Variants in CCDC149 observed in about 807,000 individuals in gnomAD.
CCDC149 encodes the protein coiled-coil domain containing 149.
Under a neutral mutation model 59.9 loss-of-function variants are expected in CCDC149, and 45 were observed. The ratio of observed to expected loss-of-function variants is 0.75; its 90% CI spans 0.59 to 0.96. CCDC149 has a LOEUF of 0.96. CCDC149 is among the 40% of genes least tolerant of loss of function. The probability of loss-of-function intolerance (pLI) is 0.00; values close to 1 mark genes in which losing one functional copy is unlikely to be tolerated. For synonymous variants in CCDC149, 245 were observed against 260.6 expected (o/e 0.94, Z 0.58); for missense variants, 584 against 664.7 (o/e 0.88, Z 1.33).
intron 1 of CCDC149, among the ~76,000 whole-genome samples, chr4:24,947,121 T>C (rs375282010): frequency 6.6e-6 from 1 of 152,212 alleles, no homozygotes; most frequent in South Asian, 2.1e-4. Flanking sequence ...ATTGAAAGAA[T>C]CTCAGCTGAA....
intron 12 of CCDC149, among the ~76,000 whole-genome samples, chr4:24,809,788 A>G (rs2109084504): frequency 6.6e-6 from 1 of 152,332 alleles, no homozygotes; most frequent in East Asian, 1.9e-4. Context: ...CCCTGAATGG[A>G]ACCACAGCAG....
At position 24,837,381 on chromosome 4, in the gene CCDC149, T is replaced by A; in HGVS notation, c.509A>T (p.Asp170Val). Residue 170 changes from aspartate to valine, a missense_variant, in exon 6 of 13, where the codon GAC becomes GTC. Transcript: ENST00000635206. This position sits in a 1 kb window ranked among gnomAD's most constrained non-coding sequence, Gnocchi z 4.3. The stretch of plus-strand genomic sequence containing the variant: ...AAGCTCGTCCACAGAAGCCTGCAGG[T>A]CGTGCTCCAGAGACTCAATCTAAAA... 1.2e-6 allele frequency: 2 copies of A among 1,614,174 alleles called. No homozygotes were observed. The highest frequency in any genetic ancestry group is 1.7e-6 in the Non-Finnish European group (2 of 1,180,020).
intron 1 of CCDC149, among the ~76,000 whole-genome samples, chr4:24,966,333 A>C (rs1056569161): frequency 1.3e-5 from 2 of 152,202 alleles, no homozygotes; most frequent in African/African-American, 4.8e-5. Context: ...CTGAATACCC[A>C]GGGGCCAGAT....
In CCDC149 at chr4:24,808,305, C is replaced by T. The variant is rs1450792966; in HGVS notation, c.*84G>A. On this transcript the variant is annotated 3_prime_UTR_variant, in exon 13 of 13. Coordinates refer to ENST00000635206, the MANE Select transcript of CCDC149 (RefSeq NM_001330643.2). ...GACTCGGAGGTATTTCAGGAGAAGGCGACGTGAGCGCACCATTCCGATGCT... is the reference window on the plus strand; with the variant it reads ...GACTCGGAGGTATTTCAGGAGAAGGTGACGTGAGCGCACCATTCCGATGCT... 18 of 1,266,316 alleles carry T rather than the reference C, an allele frequency of 1.4e-5. No homozygotes were observed. The highest frequency in any genetic ancestry group is 2.0e-4 in the Middle Eastern group (1 of 5,108). 78.4% of individuals were successfully genotyped at this position (1,266,316 alleles called of 1,614,324 possible).
chr4:24,808,289 G>T lies in CCDC149; in HGVS notation c.*100C>A, dbSNP rs534232631. 2.8e-6 allele frequency: 3 copies of T among 1,087,990 alleles called. No individual in the cohort carries two copies. The highest frequency in any genetic ancestry group is 1.6e-5 in the African/African-American group (1 of 63,156). 67.4% of individuals were successfully genotyped at this position (1,087,990 alleles called of 1,614,324 possible). ...CGTTTTCTCACTTGCAGACTCGGAG[G>T]TATTTCAGGAGAAGGCGACGTGAGC... On this transcript the variant is annotated 3_prime_UTR_variant, in exon 13 of 13. Coordinates refer to ENST00000635206, the MANE Select transcript of CCDC149 (RefSeq NM_001330643.2).
chr4:24,888,736 C>T (rs938094967), intron 1 of CCDC149, among the ~76,000 whole-genome samples: 1 of 152,168 alleles, frequency 6.6e-6, no homozygotes, highest in African/African-American at 2.4e-5. Context: ...CATTAACACC[C>T]TCGCACCTTG....
chr4:24,815,627 T>C (rs921369140), intron 12 of CCDC149, among the ~76,000 whole-genome samples: 1 of 152,234 alleles, frequency 6.6e-6, no homozygotes, highest in African/African-American at 2.4e-5. Flanking sequence ...AAACCATCTG[T>C]GGTGTGTTTT....
At chr4:24,830,382 A>G (rs1716062502) in intron 9 of CCDC149, 6 of 152,236 alleles carry the variant, frequency 3.9e-5, no homozygotes, top group Admixed American at 3.9e-4. Flanking sequence ...ACTTTTCAAG[A>G]ACATTTAAAC....
intron 1 of CCDC149, among the ~76,000 whole-genome samples, chr4:24,928,643 C>G (rs910046399): frequency 6.6e-6 from 1 of 152,162 alleles, no homozygotes; most frequent in African/African-American, 2.4e-5. Flanking sequence ...TTTCCCACCT[C>G]AGGGATCCCC....
chr4:24,919,011 A>G (rs114483251), intron 1 of CCDC149, among the ~76,000 whole-genome samples: 487 of 152,308 alleles, frequency 3.2e-3, no homozygotes, highest in African/African-American at 0.011. Flanking sequence ...CCAACATATC[A>G]TGTCCCCTGC....
intron 4 of CCDC149, among the ~76,000 whole-genome samples, chr4:24,842,500 G>A (rs1233070914): frequency 6.6e-6 from 1 of 152,164 alleles, no homozygotes; most frequent in Non-Finnish European, 1.5e-5. Context: ...CAGCCTCCCT[G>A]TGCCAACCCA....
intron 4 of CCDC149, among the ~76,000 whole-genome samples, chr4:24,842,101 T>G (rs1326927206): frequency 6.6e-6 from 1 of 152,200 alleles, no homozygotes; most frequent in Admixed American, 6.5e-5. Flanking sequence ...CAAAGGACCA[T>G]CAGGGGGAAT....
chr4:24,954,013 G>GA (rs1249266105), intron 1 of CCDC149, among the ~76,000 whole-genome samples: 116 of 147,216 alleles, frequency 7.9e-4, no homozygotes, highest in African/African-American at 2.2e-3. Flanking sequence ...AAAAAAGATG[G>GA]AAAAAAAAAA....
At chr4:24,967,918 A>G (rs1360083382) in intron 1 of CCDC149, among the ~76,000 whole-genome samples, 1 of 152,108 alleles carries the variant, frequency 6.6e-6, no homozygotes, top group Non-Finnish European at 1.5e-5. Flanking sequence ...AGATTCAGGC[A>G]TATCCCAGGC....
At chr4:24,928,372 A>T (rs916222262) in intron 1 of CCDC149, among the ~76,000 whole-genome samples, 1 of 152,166 alleles carries the variant, frequency 6.6e-6, no homozygotes, top group Non-Finnish European at 1.5e-5. Context: ...GAAGGGGAGG[A>T]GAGGGTAGGG....
At chr4:24,841,291 AT>A (rs1177817183) in intron 4 of CCDC149, among the ~76,000 whole-genome samples, 16 of 152,232 alleles carry the variant, frequency 1.1e-4, no homozygotes, top group Admixed American at 6.5e-5. Flanking sequence ...GTGGTTTTCC[AT>A]TCCCAATATG....
chr4:24,943,247 A>T (rs1723003110), intron 1 of CCDC149, among the ~76,000 whole-genome samples: 1 of 152,162 alleles, frequency 6.6e-6, no homozygotes, highest in South Asian at 2.1e-4. Context: ...CCGCATATCT[A>T]CAGAAATAAT....
In CCDC149 at chr4:24,911,953, T is replaced by C. The variant is rs147790423; in HGVS notation, c.63+864A>G. Among the ~76,000 whole-genome samples, 301 of 152,258 alleles carry C rather than the reference T, an allele frequency of 2.0e-3. 1 individual carries two copies. The highest frequency in any genetic ancestry group is 0.014 in the Middle Eastern group (4 of 294). On this transcript the variant is annotated intron_variant, in intron 1 of 12. Coordinates refer to ENST00000635206, the MANE Select transcript of CCDC149 (RefSeq NM_001330643.2). ...GAGCTTGGTTCTCAGAAGGGAGAAA[T>C]TCCCCGGCATGGGTAAGTAACACCA... is the stretch of plus-strand genomic sequence containing the variant.
At chr4:24,956,221 ACACAAACT>A (rs1378242029) in intron 1 of CCDC149, among the ~76,000 whole-genome samples, 3 of 9,676 alleles carry the variant, frequency 3.1e-4, no homozygotes, top group African/African-American at 5.3e-4. Flanking sequence ...AACCTAGTTA[ACACAAACT>A]ACACAAACTA....
Sources: gnomAD v4.1 joint callset for allele counts (sites outside exome capture counted in the v4.1 genomes callset) on GRCh38, gnomAD v4.1.1 for gene constraint, Gnocchi (gnomAD v3.1) non-coding constraint, MANE v1.5 for transcripts, NCBI Gene and HGNC (gene_info 2026-07-23, HGNC 2026-07-21) for gene names.